Variants in DGKD observed in about 807,000 individuals in gnomAD.
DGKD encodes the protein diacylglycerol kinase delta.
In DGKD, 68 loss-of-function variants were observed where a neutral mutation model predicts 154.4. The observed-to-expected ratio is 0.44, with a 90% CI of 0.36 to 0.54. The LOEUF (loss-of-function observed/expected upper bound fraction) is 0.54, where lower values mean the gene tolerates loss of function less well. Ranked by LOEUF, DGKD falls within the 20% of genes least tolerant of loss-of-function variation. The pLI is 0.00. For missense variants in DGKD, 1,343 were observed against 1,593.6 expected (o/e 0.84, Z 2.68); for synonymous variants, 693 against 638.0 (o/e 1.09, Z -1.30).
chr2:233,403,335 G>C (rs537463249), intron 3 of DGKD, among the ~76,000 whole-genome samples: 121 of 152,144 alleles, frequency 8.0e-4, no homozygotes, highest in Middle Eastern at 3.4e-3. Flanking sequence ...CGAGGCAGGC[G>C]GATCACCTGA....
At chr2:233,424,072 G>A (rs534919770) in intron 3 of DGKD, among the ~76,000 whole-genome samples, 7 of 152,218 alleles carry the variant, frequency 4.6e-5, no homozygotes, top group Non-Finnish European at 8.8e-5. Context: ...AGTGAAGAGG[G>A]GGTCCATTCA....
Position 233,456,969 on chromosome 2 carries a change from A to G in DGKD, c.2446A>G (p.Asn816Asp). The G allele has an allele frequency of 6.2e-7, 1 of 1,614,166 alleles. No homozygotes were observed. Among genetic ancestry groups the G allele is most frequent in the Non-Finnish European group, 8.5e-7 (1 of 1,179,990 alleles). Residue 816 changes from asparagine to aspartate, a missense_variant, in exon 20 of 30, where the codon AAC becomes GAC. Transcript: ENST00000264057. ...AGAGTTGCTGCACAGAACCTACAAG[A>G]ACCTGGAGCAAAAGGTCTTGCTGGA... ...TKELLHRTYKNLEQKVLLECD... is the reference protein window; with the variant it reads ...TKELLHRTYKDLEQKVLLECD...
At chr2:233,424,920 G>A (rs2062241655) in intron 3 of DGKD, among the ~76,000 whole-genome samples, 1 of 152,162 alleles carries the variant, frequency 6.6e-6, no homozygotes, top group Admixed American at 6.5e-5. Context: ...AATCACGTCT[G>A]CATGTCTCCA....
intron 1 of DGKD, among the ~76,000 whole-genome samples, chr2:233,356,959 A>G (rs1434393923): frequency 6.6e-6 from 1 of 152,238 alleles, no homozygotes; most frequent in African/African-American, 2.4e-5. Context: ...TATTTGGAAC[A>G]GAAGGAATGT....
chr2:233,449,236 T>A lies in DGKD; in HGVS notation c.1748T>A (p.Ile583Asn). ...GAAGATGGAGATGGGTCGGGCAGCA[T>A]CTGCGGTTCCACCGGAGACCGCTTG... ...EAEDGDGSGS[I>N]CGSTGDRLVA... Residue 583 changes from isoleucine (I) to asparagine (N), a missense_variant, in exon 15 of 30, where the codon ATC becomes AAC. By Grantham distance (149) the Ile-to-Asn change is moderately radical. Around this residue, in one of 6 missense-constraint regions of DGKD, gnomAD observed 409 missense variants for 446.0 expected, o/e 0.92. Transcript: ENST00000264057. This position sits in a 1 kb window ranked among gnomAD's most constrained non-coding sequence, Gnocchi z 5.3. 1.2e-6 allele frequency: 2 copies of A among 1,613,872 alleles called. No homozygotes were observed. Among genetic ancestry groups the A allele is most frequent in the Non-Finnish European group, 1.7e-6 (2 of 1,179,994 alleles).
At chr2:233,396,089 C>T (rs1049475027) in intron 3 of DGKD, among the ~76,000 whole-genome samples, 2 of 152,150 alleles carry the variant, frequency 1.3e-5, no homozygotes, top group Non-Finnish European at 2.9e-5. Flanking sequence ...TTAGTGAGCT[C>T]CGAGAACATA....
rs768491474 is a variant in DGKD at position 233,458,256 on chromosome 2, G to T, written c.2581-28G>T. 2 of 1,493,254 alleles carry T rather than the reference G, an allele frequency of 1.3e-6. No homozygotes were observed. Among genetic ancestry groups the T allele is most frequent in the Admixed American group, 1.7e-5 (1 of 59,384 alleles). The allele number at this position is 1,493,254 out of a possible 1,614,324, so 92.5% of individuals were successfully genotyped here. On this transcript the variant is annotated intron_variant, in intron 21 of 29. Transcript: ENST00000264057. This position sits in a 1 kb window ranked among gnomAD's most constrained non-coding sequence, Gnocchi z 6.6. ...CCTGTGCTCGGGGATGTGTGGAGTG[G>T]TGGTCAGCTCTAACGTGTCCCTTGC...
At chr2:233,450,157 C>T (rs758303474) in intron 16 of DGKD, 26 bp downstream of exon 16, 13 of 1,586,816 alleles carry the variant, frequency 8.2e-6, no homozygotes, top group Admixed American at 1.7e-5. Flanking sequence ...CCTCCCTCTG[C>T]GCACCGTCGT....
chr2:233,461,653 C>A (rs1402906542), intron 24 of DGKD, among the ~76,000 whole-genome samples: 2 of 152,248 alleles, frequency 1.3e-5, no homozygotes, highest in Non-Finnish European at 2.9e-5. Context: ...TACCCTGTCC[C>A]CTCAAAGCCC....
chr2:233,404,773 G>A (rs767056062), intron 3 of DGKD, among the ~76,000 whole-genome samples: 13 of 152,126 alleles, frequency 8.5e-5, no homozygotes, highest in Non-Finnish European at 1.6e-4. Flanking sequence ...CTAAGCTGGT[G>A]GAGGAAGACA....
Position 233,445,636 on chromosome 2 carries a change from T to C in DGKD, c.1208T>C (p.Val403Ala). ...LNLHKQCQLG[V>A]LPLGTGNDLA... The stretch of plus-strand genomic sequence containing the variant: ...ATGTTTCCTTAGTGTCAGCTGGGAG[T>C]GCTGCCGCTCGGCACAGGGAACGAC... Residue 403 changes from valine (V) to alanine (A), a missense_variant, in exon 11 of 30, where the codon GTG becomes GCG. Val to Ala is a moderately conservative substitution (Grantham distance 64). Transcript: ENST00000264057. This position sits in a 1 kb window ranked among gnomAD's most constrained non-coding sequence, Gnocchi z 5.5. 2 of 1,609,152 alleles carry C rather than the reference T, an allele frequency of 1.2e-6. No individual in the cohort carries two copies. Among genetic ancestry groups the C allele is most frequent in the Non-Finnish European group, 1.7e-6 (2 of 1,177,588 alleles).
intron 1 of DGKD, among the ~76,000 whole-genome samples, chr2:233,360,561 ATTT>A (rs1472647854): frequency 6.6e-6 from 1 of 151,226 alleles, no homozygotes; most frequent in Non-Finnish European, 1.5e-5. Flanking sequence ...CCTGGCCAAA[ATTT>A]TTTATTTTGA....
rs1053260832 is a variant in DGKD, at chr2:233,462,331, CT to C, written c.2982-15del. The C allele has an allele frequency of 1.1e-5, 18 of 1,585,290 alleles. No individual in the cohort carries two copies. The African/African-American group carries it at 2.3e-4, about 20-fold the overall frequency. The stretch of plus-strand genomic sequence containing the variant: ...CCATTTGGCCTGACATCTGCCCGTG[CT>C]TCTCTTCCTCTCTAGTATCCGAGAA... On this transcript the variant is annotated splice_polypyrimidine_tract_variant and intron_variant, in intron 24 of 29. Coordinates refer to ENST00000264057, the MANE Select transcript of DGKD (RefSeq NM_152879.3).
chr2:233,456,897 A>G lies in DGKD; in HGVS notation c.2376-2A>G, dbSNP rs1247982122. 3 of 1,613,146 alleles carry G rather than the reference A, an allele frequency of 1.9e-6. No individual in the cohort carries two copies. Among genetic ancestry groups the G allele is most frequent in the Non-Finnish European group, 2.5e-6 (3 of 1,179,120 alleles). On this transcript the variant is annotated splice_acceptor_variant, in intron 19 of 29. Transcript: ENST00000264057. LOFTEE classifies it high-confidence loss of function. ...ATGGCAAGTCTTTGCTTCTGTTTCT[A>G]GGAGCCGAACCAAGAACATGATGTG...
At chr2:233,406,656 A>C (rs1327314173) in intron 3 of DGKD, among the ~76,000 whole-genome samples, 1 of 152,134 alleles carries the variant, frequency 6.6e-6, no homozygotes, top group African/African-American at 2.4e-5. Context: ...TTTCCACTGT[A>C]ATCATAAGTA....
intron 3 of DGKD, among the ~76,000 whole-genome samples, chr2:233,419,766 T>C (rs2062056101): frequency 6.6e-6 from 1 of 152,106 alleles, no homozygotes; most frequent in South Asian, 2.1e-4. Flanking sequence ...AGAGCCCAGA[T>C]TTGTTCTGCT....
Position 233,441,841 on chromosome 2 carries a change from C to T in DGKD, c.1086-46C>T. The T allele has an allele frequency of 2.6e-6, 4 of 1,564,940 alleles. No homozygotes were observed. Among genetic ancestry groups the T allele is most frequent in the Non-Finnish European group, 3.5e-6 (4 of 1,142,500 alleles). On this transcript the variant is annotated intron_variant, in intron 9 of 29. Coordinates refer to ENST00000264057, the MANE Select transcript of DGKD (RefSeq NM_152879.3). The surrounding 1 kb of genome is among the most constrained non-coding windows in gnomAD (Gnocchi z 5.6). ...CCGTACTGACAAGCCTGTCATTTGT[C>T]CTGTGGAATGGATGTCATTTCACGG...
chr2:233,396,157 T>C (rs1322134085), intron 3 of DGKD, among the ~76,000 whole-genome samples: 1 of 152,212 alleles, frequency 6.6e-6, no homozygotes, highest in African/African-American at 2.4e-5. Flanking sequence ...ATGCTGTTGC[T>C]GTCTTTGAAG....
chr2:233,449,446 A>G lies in DGKD; in HGVS notation c.1888+70A>G. ...TGGGCATGCCCAGCGTCCCCTGAAC[A>G]CGGAGATGACAGAAGGGTGCATGTT... On this transcript the variant is annotated intron_variant, in intron 15 of 29. Coordinates refer to ENST00000264057, the MANE Select transcript of DGKD (RefSeq NM_152879.3). The surrounding 1 kb of genome is among the most constrained non-coding windows in gnomAD (Gnocchi z 5.3). 1 of 1,515,148 alleles carries G rather than the reference A, an allele frequency of 6.6e-7. No individual in the cohort carries two copies. The highest frequency in any genetic ancestry group is 1.9e-4 in the Middle Eastern group (1 of 5,264). 93.9% of individuals were successfully genotyped at this position (1,515,148 alleles called of 1,614,324 possible).
Sources: gnomAD v4.1 joint callset for allele counts (sites outside exome capture counted in the v4.1 genomes callset) on GRCh38, gnomAD v4.1.1 for gene constraint, gnomAD v4.1.1 regional missense constraint, Gnocchi (gnomAD v3.1) non-coding constraint, MANE v1.5 for transcripts, NCBI Gene and HGNC (gene_info 2026-07-23, HGNC 2026-07-21) for gene names.